Variants in PLA2R1 observed in about 807,000 individuals in gnomAD.
The protein encoded by PLA2R1 is phospholipase A2 receptor 1.
Under a neutral mutation model 195.9 loss-of-function variants are expected in PLA2R1, and 158 were observed. That is an observed-to-expected ratio of 0.81 (90% CI 0.71 to 0.92). The LOEUF is 0.92. Ranked by LOEUF, PLA2R1 falls within the 40% of genes least tolerant of loss-of-function variation. The pLI is 0.00. For synonymous variants in PLA2R1, 586 were observed against 598.2 expected (o/e 0.98, Z 0.30); for missense variants, 1,626 against 1,764.6 (o/e 0.92, Z 1.41).
chr2:160,012,329 C>A (rs1692417437), intron 10 of PLA2R1, among the ~76,000 whole-genome samples: 1 of 152,206 alleles, frequency 6.6e-6, no homozygotes, highest in Admixed American at 6.5e-5. Context: ...CCAGCCCCCA[C>A]TGTCCTCCTG....
At chr2:159,950,265 T>C (rs550476683) in intron 24 of PLA2R1, among the ~76,000 whole-genome samples, 1 of 152,292 alleles carries the variant, frequency 6.6e-6, no homozygotes, top group East Asian at 1.9e-4. Context: ...CATTCATTTA[T>C]CTCTCCCACT....
At chr2:160,055,062 A>G (rs1434812031) in intron 1 of PLA2R1, among the ~76,000 whole-genome samples, 10 of 152,300 alleles carry the variant, frequency 6.6e-5, no homozygotes, top group African/African-American at 2.4e-4. Flanking sequence ...GTGTGGCCCC[A>G]TCTTTCCTGT....
At position 160,005,791 on chromosome 2, in the gene PLA2R1, G is replaced by A. The variant is rs1167418667; in HGVS notation, c.1695C>T (p.Ile565=). The stretch of plus-strand genomic sequence containing the variant: ...TGTCCTTCATTTTTACCACACTACT[G>A]ATCAAACTGGTAATAAAAGCCTGTT... ...RFEQAFITSL[I]SSVVKMKDSY... The change falls in exon 11 of 30, where the codon ATC becomes ATT. Residue 565 remains isoleucine, a synonymous_variant. Transcript: ENST00000283243. 1.9e-6 allele frequency: 3 copies of A among 1,612,428 alleles called. No individual in the cohort carries two copies. The highest frequency in any genetic ancestry group is 2.5e-6 in the Non-Finnish European group (3 of 1,178,578).
At chr2:159,983,287 T>A (rs778319969) in intron 13 of PLA2R1, among the ~76,000 whole-genome samples, 3 of 152,084 alleles carry the variant, frequency 2.0e-5, no homozygotes, top group Non-Finnish European at 4.4e-5. Flanking sequence ...TGGTGGGAGG[T>A]AGCACAAGAC....
At chr2:160,014,014 TA>T (rs1357187001) in intron 9 of PLA2R1, among the ~76,000 whole-genome samples, 1 of 152,104 alleles carries the variant, frequency 6.6e-6, no homozygotes, top group Non-Finnish European at 1.5e-5. Context: ...ACAAAGAGAA[TA>T]TATGTATCTA....
At chr2:159,955,489 C>T (rs1373035834) in intron 22 of PLA2R1, 143 bp from the exon 23 acceptor site, 9 of 550,788 alleles carry the variant, frequency 1.6e-5, no homozygotes, top group Non-Finnish European at 2.4e-5. Flanking sequence ...CAAGTCATTT[C>T]ATAACCTACA....
intron 12 of PLA2R1, among the ~76,000 whole-genome samples, chr2:159,986,953 G>A (rs1690387684): frequency 6.6e-6 from 1 of 152,088 alleles, no homozygotes; most frequent in Non-Finnish European, 1.5e-5. Context: ...TCACCAGGAT[G>A]TGTCAATTTT....
At chr2:160,029,987 C>T (rs1012159997) in intron 4 of PLA2R1, among the ~76,000 whole-genome samples, 8 of 152,110 alleles carry the variant, frequency 5.3e-5, no homozygotes, top group African/African-American at 1.9e-4. Flanking sequence ...GACCGTATGC[C>T]CCCATTTTCC....
At chr2:160,041,086 T>C (rs529673302) in intron 3 of PLA2R1, among the ~76,000 whole-genome samples, 2 of 152,220 alleles carry the variant, frequency 1.3e-5, no homozygotes, top group African/African-American at 4.8e-5. Context: ...TCAAAGCTTA[T>C]ACTCTTTCTT....
Position 159,942,174 on chromosome 2 carries a change from A to G in PLA2R1, c.4145-15T>C. On this transcript the variant is annotated splice_polypyrimidine_tract_variant and intron_variant, in intron 28 of 29. Transcript: ENST00000283243. ...AGTGTGAATATCTAAAATCAAATACAAAAATTAAAATGAGGTTTTTCTTTT... is the reference window on the plus strand; with the variant it reads ...AGTGTGAATATCTAAAATCAAATACGAAAATTAAAATGAGGTTTTTCTTTT... 1 of 1,602,576 alleles carries G rather than the reference A, an allele frequency of 6.2e-7. No homozygotes were observed. The highest frequency in any genetic ancestry group is 8.5e-7 in the Non-Finnish European group (1 of 1,171,484).
Position 159,987,318 on chromosome 2 carries a change from T to A in PLA2R1, c.1875A>T (p.Pro625=), listed in dbSNP as rs1292119816. 6.2e-7 allele frequency: 1 copy of A among 1,612,250 alleles called. No homozygotes were observed. Residue 625 remains proline, a synonymous_variant, in exon 12 of 30, where the codon CCA becomes CCT. Coordinates refer to ENST00000283243, the MANE Select transcript of PLA2R1 (RefSeq NM_007366.5). Reference sequence around the variant, plus strand: ...AGTGCTTCACTTCCCAGCGACCAAGTGGATGCCTTCCTCGCATGGCAACAC... The same window carrying A: ...AGTGCTTCACTTCCCAGCGACCAAGAGGATGCCTTCCTCGCATGGCAACAC... The part of the protein sequence containing the change: ...GGCVAMRGRH[P]LGRWEVKHCR...
chr2:160,005,859 C>G, intron 10 of PLA2R1, 38 bp from the exon 11 acceptor site: 1 of 1,445,072 alleles, frequency 6.9e-7, no homozygotes. Flanking sequence ...CATTAAGTTT[C>G]TGGGCAATAA....
intron 10 of PLA2R1, among the ~76,000 whole-genome samples, chr2:160,007,345 C>T (rs867912199): frequency 1.2e-4 from 18 of 152,202 alleles, no homozygotes; most frequent in African/African-American, 3.9e-4. Flanking sequence ...CACCCCCAGC[C>T]TCTGCCCCCA....
In PLA2R1 at chr2:160,022,704, A is replaced by G. The variant is rs750229853; in HGVS notation, c.1255T>C (p.Leu419=). Reference sequence around the variant, plus strand: ...GTTACAAGAAACTCCACCTCTGCTAATGAGGTTATGTCTATTAATGCACTG... The same window carrying G: ...GTTACAAGAAACTCCACCTCTGCTAGTGAGGTTATGTCTATTAATGCACTG... ...DNSALIDITS[L]AEVEFLVTLL... Residue 419 remains leucine (L), a synonymous_variant, in exon 7 of 30, where the codon TTA becomes CTA. Transcript: ENST00000283243. 2 of 1,609,384 alleles carry G rather than the reference A, an allele frequency of 1.2e-6. No homozygotes were observed. Among genetic ancestry groups the G allele is most frequent in the East Asian group, 4.5e-5 (2 of 44,846 alleles).
At chr2:160,060,623 G>C (rs370222131) in intron 1 of PLA2R1, among the ~76,000 whole-genome samples, 1 of 152,194 alleles carries the variant, frequency 6.6e-6, no homozygotes, top group Non-Finnish European at 1.5e-5. Flanking sequence ...AGGTACAAGG[G>C]CTAGCAGATG....
rs1026130412 is a variant in PLA2R1, at chr2:159,938,479, G to C, written c.*3299C>G. Reference sequence around the variant, plus strand: ...AATGGGATCTCACCACTGCAGGGGTGAAGTGACTGCCTTGTAGCCAAGAAC... The same window carrying C: ...AATGGGATCTCACCACTGCAGGGGTCAAGTGACTGCCTTGTAGCCAAGAAC... On this transcript the variant is annotated 3_prime_UTR_variant, in exon 30 of 30. Transcript: ENST00000283243. 6.6e-6 allele frequency: 1 copy of C among 152,262 alleles called. No homozygotes were observed. The highest frequency in any genetic ancestry group is 1.5e-5 in the Non-Finnish European group (1 of 68,056). The allele number at this position is 152,262 out of a possible 1,614,324, so 9.4% of individuals were successfully genotyped here. A position where few individuals can be genotyped will look rare whatever the true frequency, so the allele number is the denominator to read the frequency against.
In PLA2R1 at chr2:159,935,135, CA is replaced by C. The variant is rs879830117; in HGVS notation, c.*6642del. 2.6e-5 allele frequency: 4 copies of C among 152,104 alleles called. No individual in the cohort carries two copies. The highest frequency in any genetic ancestry group is 5.9e-5 in the Non-Finnish European group (4 of 68,024). 9.4% of individuals were successfully genotyped at this position (152,104 alleles called of 1,614,324 possible). ...TCATGTGCCCTTCTCAATGCCATAC[CA>C]GGGGGTACATGATGCTGATGTGGCT... On this transcript the variant is annotated 3_prime_UTR_variant, in exon 30 of 30. Transcript: ENST00000283243.
intron 16 of PLA2R1, 113 bp downstream of exon 16, chr2:159,976,572 A>G: frequency 1.4e-6 from 1 of 719,862 alleles, no homozygotes; most frequent in Non-Finnish European, 2.4e-6. Context: ...GGTTGACACA[A>G]GAAAAGAGAG....
At position 160,028,451 on chromosome 2, in the gene PLA2R1, C is replaced by A. The variant is rs931272578; in HGVS notation, c.956-90G>T. On this transcript the variant is annotated intron_variant, in intron 5 of 29. Coordinates refer to ENST00000283243, the MANE Select transcript of PLA2R1 (RefSeq NM_007366.5). ...TGTGGTTTTCAGCATCGGGGGACAGCGTTTCTATTTGTCATATATAGTAAA... is the reference window on the plus strand; with the variant it reads ...TGTGGTTTTCAGCATCGGGGGACAGAGTTTCTATTTGTCATATATAGTAAA... 13 of 903,850 alleles carry A rather than the reference C, an allele frequency of 1.4e-5. No individual in the cohort carries two copies. In the East Asian group the frequency reaches 2.5e-4, roughly 17 times the overall value. The allele number at this position is 903,850 out of a possible 1,614,324, so 56.0% of individuals were successfully genotyped here. A position where few individuals can be genotyped will look rare whatever the true frequency, so the allele number is the denominator to read the frequency against.
Sources: allele counts gnomAD v4.1 joint callset (sites outside exome capture counted in the v4.1 genomes callset), GRCh38; gene constraint gnomAD v4.1.1; transcripts MANE v1.5; gene names NCBI Gene and HGNC (gene_info 2026-07-23, HGNC 2026-07-21).